The following CTIF variants were observed in gnomAD, a reference collection of about 807,000 sequenced individuals.
CTIF encodes cap binding complex dependent translation initiation factor.
CTIF carries 21 observed loss-of-function variants against 66.0 expected under a neutral mutation model. The observed-to-expected ratio is 0.32, with a 90% CI of 0.23 to 0.46. The LOEUF is 0.46. Among genes scored for constraint, CTIF ranks in the 20% least tolerant of loss-of-function variants. CTIF has a pLI of 1.00. For missense variants in CTIF, 739 were observed against 812.7 expected, an observed-to-expected ratio of 0.91 and a Z score of 1.10; for synonymous variants, 345 against 326.4, an observed-to-expected ratio of 1.06 and a Z score of -0.62.
intron 1 of CTIF, among the ~76,000 whole-genome samples, chr18:48,577,413 G>T (rs1229314732): frequency 2.0e-5 from 3 of 152,178 alleles, no homozygotes; most frequent in Non-Finnish European, 4.4e-5. Flanking sequence ...TATTTTGTTT[G>T]TCTTTGGCCA....
intron 2 of CTIF, among the ~76,000 whole-genome samples, chr18:48,628,826 C>T (rs2090649195): frequency 1.3e-5 from 2 of 152,214 alleles, no homozygotes; most frequent in Non-Finnish European, 2.9e-5. Context: ...TCTCTCAAAT[C>T]TCAGCCATCA....
At chr18:48,717,358 A>T (rs574073101) in intron 7 of CTIF, among the ~76,000 whole-genome samples, 1 of 151,998 alleles carries the variant, frequency 6.6e-6, no homozygotes, top group African/African-American at 2.4e-5. Context: ...AGATCACGCC[A>T]TTGCACTCCA....
intron 7 of CTIF, among the ~76,000 whole-genome samples, chr18:48,740,296 A>G (rs2092542526): frequency 6.6e-6 from 1 of 152,152 alleles, no homozygotes; most frequent in Non-Finnish European, 1.5e-5. Flanking sequence ...TTCCAAACTA[A>G]GAGATGGCCC....
At chr18:48,672,101 G>A (rs907428846) in intron 6 of CTIF, among the ~76,000 whole-genome samples, 4 of 144,768 alleles carry the variant, frequency 2.8e-5, no homozygotes, top group Non-Finnish European at 4.5e-5. Flanking sequence ...ACTGCTCCTT[G>A]GAGTATCTAC....
intron 3 of CTIF, among the ~76,000 whole-genome samples, chr18:48,656,931 G>A (rs1400621773): frequency 6.6e-6 from 1 of 152,206 alleles, no homozygotes; most frequent in Non-Finnish European, 1.5e-5. Flanking sequence ...CTGAGGTTTT[G>A]ATGGGTAGCT....
At chr18:48,778,916 CAAT>C (rs2146032534) in intron 9 of CTIF, among the ~76,000 whole-genome samples, 1 of 152,314 alleles carries the variant, frequency 6.6e-6, no homozygotes, top group East Asian at 1.9e-4. Flanking sequence ...TTCTGGCTGA[CAAT>C]GATGCCACAA....
At chr18:48,671,495 C>T (rs934088080) in intron 6 of CTIF, among the ~76,000 whole-genome samples, 3 of 152,210 alleles carry the variant, frequency 2.0e-5, no homozygotes, top group Admixed American at 2.0e-4. Context: ...TATATCCATT[C>T]ATCTCTTCCT....
intron 10 of CTIF, among the ~76,000 whole-genome samples, chr18:48,849,573 C>T (rs2069153276): frequency 6.8e-6 from 1 of 147,870 alleles, no homozygotes; most frequent in Non-Finnish European, 1.5e-5. Flanking sequence ...TAAAGCTTAC[C>T]ATTTTAAACT....
At chr18:48,622,998 C>T (rs541607450) in intron 2 of CTIF, among the ~76,000 whole-genome samples, 2 of 152,370 alleles carry the variant, frequency 1.3e-5, no homozygotes, top group Admixed American at 1.3e-4. Flanking sequence ...GGTAGAATTT[C>T]TGTGCCCAGA....
At chr18:48,852,213 G>A (rs557300663) in intron 10 of CTIF, among the ~76,000 whole-genome samples, 1 of 135,794 alleles carries the variant, frequency 7.4e-6, no homozygotes, top group African/African-American at 2.7e-5. Flanking sequence ...TGCCCTGGGG[G>A]ACAGAGTGAG....
At chr18:48,858,395 TA>T (rs1703904633) in intron 11 of CTIF, among the ~76,000 whole-genome samples, 1 of 152,140 alleles carries the variant, frequency 6.6e-6, no homozygotes, top group Non-Finnish European at 1.5e-5. Flanking sequence ...GGCTTGGGAT[TA>T]GGGGGGAATT....
intron 2 of CTIF, among the ~76,000 whole-genome samples, chr18:48,626,253 G>A (rs997136403): frequency 3.9e-5 from 6 of 152,022 alleles, no homozygotes; most frequent in Admixed American, 6.5e-5. Flanking sequence ...CACCTGCCTC[G>A]GGCTCCTAAA....
intron 3 of CTIF, among the ~76,000 whole-genome samples, chr18:48,644,178 G>A (rs989068916): frequency 1.3e-5 from 2 of 152,084 alleles, no homozygotes; most frequent in African/African-American, 4.8e-5. Context: ...CTGTGGTTGG[G>A]TCATTCCTTT....
intron 4 of CTIF, 130 bp downstream of exon 4, chr18:48,663,955 G>A (rs541432086): frequency 2.1e-5 from 18 of 855,532 alleles, no homozygotes; most frequent in Admixed American, 1.5e-4. Flanking sequence ...GATGTAGGAA[G>A]GATGGGGTGG....
intron 2 of CTIF, among the ~76,000 whole-genome samples, chr18:48,633,563 G>T (rs879352771): frequency 1.3e-5 from 2 of 151,934 alleles, no homozygotes; most frequent in African/African-American, 4.8e-5. Flanking sequence ...TTAGTTGGGC[G>T]TGGTGGCGGG....
chr18:48,627,348 A>G (rs2090621731), intron 2 of CTIF, among the ~76,000 whole-genome samples: 4 of 152,206 alleles, frequency 2.6e-5, no homozygotes. Flanking sequence ...AAGACAGACA[A>G]TAGAGGGAGA....
chr18:48,609,456 T>A (rs970458806), intron 1 of CTIF, among the ~76,000 whole-genome samples: 7 of 152,220 alleles, frequency 4.6e-5, no homozygotes, highest in Non-Finnish European at 8.8e-5. Flanking sequence ...GTGCTTGATG[T>A]ATGCCTAGCG....
chr18:48,691,668 T>G (rs2091927400), intron 6 of CTIF, among the ~76,000 whole-genome samples: 1 of 152,078 alleles, frequency 6.6e-6, no homozygotes, highest in African/African-American at 2.4e-5. Context: ...TGTGAGTCTG[T>G]CCTCCTCAAA....
chr18:48,599,225 C>T (rs374432926), intron 1 of CTIF, among the ~76,000 whole-genome samples: 2 of 152,094 alleles, frequency 1.3e-5, no homozygotes, highest in African/African-American at 2.4e-5. Context: ...GCATGCCCTC[C>T]GTATGTCCAG....
Sources: allele counts gnomAD v4.1 joint callset (sites outside exome capture counted in the v4.1 genomes callset), GRCh38; gene constraint gnomAD v4.1.1; transcripts MANE v1.5; gene names NCBI Gene and HGNC (gene_info 2026-07-23, HGNC 2026-07-21).